PKP4: variants seen among roughly 807,000 people sequenced by gnomAD.
The protein encoded by PKP4 is plakophilin-4.
A neutral mutation model predicts 145.1 loss-of-function variants in PKP4; 90 were observed. That is an observed-to-expected ratio of 0.62 (90% confidence interval 0.52 to 0.74). The LOEUF (loss-of-function observed/expected upper bound fraction) is 0.74. Ranked by LOEUF, PKP4 falls within the 30% of genes least tolerant of loss-of-function variation. PKP4 has a pLI of 0.00. For synonymous variants in PKP4, 563 were observed against 577.2 expected (o/e 0.98, Z 0.35); for missense variants, 1,340 against 1,482.7 (o/e 0.90, Z 1.58).
At chr2:158,495,224 A>AC (rs755774031) in intron 1 of PKP4, among the ~76,000 whole-genome samples, 1 of 152,050 alleles carries the variant, frequency 6.6e-6, no homozygotes, top group Non-Finnish European at 1.5e-5. Context: ...TCTCAAAAGA[A>AC]ATAATAAAAA....
intron 2 of PKP4, among the ~76,000 whole-genome samples, chr2:158,536,108 A>G (rs755318987): frequency 6.6e-6 from 1 of 152,210 alleles, no homozygotes; most frequent in Non-Finnish European, 1.5e-5. Context: ...TAGTGGTTCT[A>G]CTTGTAACCA....
intron 3 of PKP4, among the ~76,000 whole-genome samples, chr2:158,582,420 G>A (rs530717524): frequency 2.0e-5 from 3 of 152,118 alleles, no homozygotes; most frequent in Non-Finnish European, 4.4e-5. Flanking sequence ...TGGGAAATTA[G>A]GGCAAAAAGA....
intron 1 of PKP4, among the ~76,000 whole-genome samples, chr2:158,507,136 T>G (rs1432141532): frequency 1.3e-5 from 2 of 152,250 alleles, no homozygotes; most frequent in African/African-American, 2.4e-5. Flanking sequence ...CTTCGATGTT[T>G]TTATGTTCTA....
At chr2:158,497,323 T>C (rs888086914) in intron 1 of PKP4, among the ~76,000 whole-genome samples, 5 of 150,498 alleles carry the variant, frequency 3.3e-5, no homozygotes, top group African/African-American at 1.2e-4. Flanking sequence ...GTATTTGCAT[T>C]TTGAGTGGCC....
intron 1 of PKP4, among the ~76,000 whole-genome samples, chr2:158,487,410 A>C (rs1694325852): frequency 6.6e-6 from 1 of 152,194 alleles, no homozygotes; most frequent in Non-Finnish European, 1.5e-5. Context: ...GAAATCCATG[A>C]TTTGCCCTAG....
chr2:158,505,910 A>G (rs758248019), intron 1 of PKP4, among the ~76,000 whole-genome samples: 4 of 152,116 alleles, frequency 2.6e-5, no homozygotes, highest in African/African-American at 4.8e-5. Flanking sequence ...CTGGTGAAGA[A>G]GACCATAAGT....
chr2:158,568,526 A>G (rs74643946), intron 2 of PKP4, among the ~76,000 whole-genome samples: 5,493 of 152,254 alleles, frequency 0.036, 235 homozygotes, highest in African/African-American at 0.1. Flanking sequence ...TGGTTTACCC[A>G]TCATTTAGGT....
chr2:158,558,099 C>A (rs1184000067), intron 2 of PKP4, among the ~76,000 whole-genome samples: 1 of 152,198 alleles, frequency 6.6e-6, no homozygotes, highest in Non-Finnish European at 1.5e-5. Context: ...AGTCCCCATT[C>A]TTTCCCCTGT....
At chr2:158,461,651 C>T (rs1689787352) in intron 1 of PKP4, among the ~76,000 whole-genome samples, 1 of 144,298 alleles carries the variant, frequency 6.9e-6, no homozygotes, top group African/African-American at 2.5e-5. Flanking sequence ...CCAGAACTCA[C>T]AATATAGGGT....
chr2:158,501,939 A>AGC (rs1696644182), intron 1 of PKP4, among the ~76,000 whole-genome samples: 1 of 152,132 alleles, frequency 6.6e-6, no homozygotes, highest in Non-Finnish European at 1.5e-5. Flanking sequence ...AGCTTTCCTG[A>AGC]ATGTGTGCCT....
At chr2:158,643,177 G>C (rs1170888264) in intron 11 of PKP4, among the ~76,000 whole-genome samples, 1 of 152,158 alleles carries the variant, frequency 6.6e-6, no homozygotes, top group East Asian at 1.9e-4. Flanking sequence ...GTCACCCTCA[G>C]ATTGGTGAGG....
In PKP4 at chr2:158,624,984, TGA is replaced by T. The variant is rs1337300908; in HGVS notation, c.713_714del (p.Arg238AsnfsTer5). On this transcript the variant is annotated frameshift_variant, in exon 7 of 22. Coordinates refer to ENST00000389759, the MANE Select transcript of PKP4 (RefSeq NM_003628.6). LOFTEE classifies it high-confidence loss of function. Reference sequence around the variant, plus strand: ...GGCGTGTCTCCTTCAAGGGGGTCTCTGAGAACTTCTCTGGGTAGTGGATTTGG... The same window carrying T: ...GGCGTGTCTCCTTCAAGGGGGTCTCTGAACTTCTCTGGGTAGTGGATTTGG... The T allele has an allele frequency of 1.2e-6, 2 of 1,614,048 alleles. No individual in the cohort carries two copies. The highest frequency in any genetic ancestry group is 2.7e-5 in the African/African-American group (2 of 74,930).
intron 4 of PKP4, among the ~76,000 whole-genome samples, chr2:158,620,324 T>G (rs1409130169): frequency 6.6e-6 from 1 of 152,164 alleles, no homozygotes; most frequent in Non-Finnish European, 1.5e-5. Flanking sequence ...GGGTTTGTTT[T>G]TTTCAAGTTC....
chr2:158,522,674 G>T (rs2042495208), intron 1 of PKP4, among the ~76,000 whole-genome samples: 1 of 152,226 alleles, frequency 6.6e-6, no homozygotes, highest in South Asian at 2.1e-4. Context: ...CTCCCAGCGT[G>T]AGCGACGCAG....
chr2:158,507,621 G>GT (rs1418932122), intron 1 of PKP4, among the ~76,000 whole-genome samples: 1 of 151,998 alleles, frequency 6.6e-6, no homozygotes, highest in Non-Finnish European at 1.5e-5. Flanking sequence ...TTCTTGGTTT[G>GT]TTTTTTTAAA....
intron 1 of PKP4, chr2:158,457,801 C>G (rs1444693666): frequency 6.5e-6 from 1 of 153,526 alleles, no homozygotes; most frequent in Non-Finnish European, 1.4e-5. Flanking sequence ...CCTGCCCACC[C>G]CTCTGCCTAG....
intron 1 of PKP4, among the ~76,000 whole-genome samples, chr2:158,467,549 C>CA (rs70994208): frequency 0.05 from 6,360 of 127,820 alleles, 467 homozygotes; most frequent in African/African-American, 0.14. Flanking sequence ...GAGACCTTGT[C>CA]AAAAAAAAAA....
intron 17 of PKP4, among the ~76,000 whole-genome samples, chr2:158,672,108 C>T (rs572200169): frequency 6.6e-5 from 10 of 152,298 alleles, no homozygotes; most frequent in Admixed American, 3.9e-4. Context: ...GGCAGGGCAC[C>T]GCATCCCCTC....
chr2:158,482,709 G>A lies in PKP4; in HGVS notation c.-6+25491G>A, dbSNP rs1267837021. ...AAATTAACTGGGTGTGGTGGCTTTT[G>A]CCTGTAGTTCCAGCTATGCAGGAGG... is the stretch of plus-strand genomic sequence containing the variant. On this transcript the variant is annotated intron_variant, in intron 1 of 21. Coordinates refer to ENST00000389759, the MANE Select transcript of PKP4 (RefSeq NM_003628.6). Among the ~76,000 whole-genome samples, 10 of 152,158 alleles carry A rather than the reference G, an allele frequency of 6.6e-5. No homozygotes were observed. In the East Asian group the frequency reaches 1.5e-3, roughly 24 times the overall value.
Sources: gnomAD v4.1 joint callset for allele counts (sites outside exome capture counted in the v4.1 genomes callset) on GRCh38, gnomAD v4.1.1 for gene constraint, MANE v1.5 for transcripts, NCBI Gene and HGNC (gene_info 2026-07-23, HGNC 2026-07-21) for gene names.